EYS: variants seen among roughly 807,000 people sequenced by gnomAD.
EYS encodes the protein EGF-like photoreceptor maintenance factor.
In EYS, 250 loss-of-function variants were observed where a neutral mutation model predicts 282.1. That is an observed-to-expected ratio of 0.89 (90% CI 0.80 to 0.98). The LOEUF is 0.98. Among genes scored for constraint, EYS ranks in the 50% least tolerant of loss-of-function variants. The pLI is 0.00. For synonymous variants in EYS, 1,355 were observed against 1,282.9 expected, an observed-to-expected ratio of 1.06 and a Z score of -1.20; for missense variants, 4,016 against 3,709.0, an observed-to-expected ratio of 1.08 and a Z score of -2.15.
intron 22 of EYS, among the ~76,000 whole-genome samples, chr6:64,673,888 T>G (rs1270034943): frequency 6.6e-6 from 1 of 152,030 alleles, no homozygotes; most frequent in Non-Finnish European, 1.5e-5. Context: ...TTAGAAAAAT[T>G]TATGTTTTAA....
chr6:64,341,082 A>C (rs1771090346), intron 29 of EYS, among the ~76,000 whole-genome samples: 1 of 151,798 alleles, frequency 6.6e-6, no homozygotes, highest in Admixed American at 6.6e-5. Context: ...GCAAGACTGC[A>C]GAGAAAAGGG....
At chr6:64,090,682 G>A (rs553883634) in intron 31 of EYS, among the ~76,000 whole-genome samples, 12 of 152,122 alleles carry the variant, frequency 7.9e-5, no homozygotes, top group Admixed American at 2.6e-4. Flanking sequence ...TTTGTCTTGC[G>A]TTTAATTTTA....
chr6:65,277,819 T>A (rs1259720301), intron 12 of EYS, among the ~76,000 whole-genome samples: 1 of 152,162 alleles, frequency 6.6e-6, no homozygotes, highest in African/African-American at 2.4e-5. Flanking sequence ...GCTATTGTCT[T>A]CATTTGGAGA....
intron 35 of EYS, among the ~76,000 whole-genome samples, chr6:63,910,427 G>A (rs926428699): frequency 6.6e-6 from 1 of 152,174 alleles, no homozygotes; most frequent in Non-Finnish European, 1.5e-5. Context: ...TGTACCGAAA[G>A]GTCATGGTAA....
At chr6:64,907,780 G>C (rs1767877238) in intron 16 of EYS, among the ~76,000 whole-genome samples, 1 of 152,032 alleles carries the variant, frequency 6.6e-6, no homozygotes, top group African/African-American at 2.4e-5. Context: ...GTAAATCATA[G>C]TTACCATGGG....
At chr6:65,122,038 GA>G (rs1775568743) in intron 12 of EYS, among the ~76,000 whole-genome samples, 1 of 152,000 alleles carries the variant, frequency 6.6e-6, no homozygotes, top group South Asian at 2.1e-4. Flanking sequence ...TGACTTAAGA[GA>G]AAATAGCCAC....
intron 14 of EYS, among the ~76,000 whole-genome samples, chr6:64,976,277 A>G (rs1770472331): frequency 6.6e-6 from 1 of 151,996 alleles, no homozygotes; most frequent in African/African-American, 2.4e-5. Context: ...TGATGAATGT[A>G]AAATAAGAAA....
chr6:65,382,213 GTTTTTT>G (rs67123749), intron 8 of EYS, among the ~76,000 whole-genome samples: 1 of 105,014 alleles, frequency 9.5e-6, no homozygotes, highest in Non-Finnish European at 1.9e-5. Context: ...ATCCTTTGGT[GTTTTTT>G]TTTTTTTTTT....
intron 11 of EYS, chr6:65,330,966 A>G: frequency 1.0e-6 from 1 of 984,364 alleles, no homozygotes; most frequent in Non-Finnish European, 1.2e-6. Context: ...AATTTCTCAT[A>G]TATTGAGTTC....
At chr6:63,948,867 T>C (rs1340970954) in intron 35 of EYS, among the ~76,000 whole-genome samples, 2 of 152,120 alleles carry the variant, frequency 1.3e-5, no homozygotes, top group Non-Finnish European at 2.9e-5. Context: ...ATGTAATACA[T>C]ATAATATGTG....
intron 14 of EYS, among the ~76,000 whole-genome samples, chr6:64,957,632 T>C (rs1399712635): frequency 6.6e-6 from 1 of 152,210 alleles, no homozygotes; most frequent in African/African-American, 2.4e-5. Flanking sequence ...AGATGAATGC[T>C]TGAAGGGATG....
intron 35 of EYS, among the ~76,000 whole-genome samples, chr6:63,888,323 A>T (rs1401492154): frequency 6.6e-6 from 1 of 152,118 alleles, no homozygotes; most frequent in East Asian, 1.9e-4. Context: ...TGGGTCCTTG[A>T]CCCCTGTGCC....
chr6:64,479,203 T>C (rs1216413655), intron 26 of EYS, among the ~76,000 whole-genome samples: 2 of 152,030 alleles, frequency 1.3e-5, no homozygotes, highest in African/African-American at 2.4e-5. Context: ...AATAACATTA[T>C]GGCTCTCATA....
rs201059400 is a variant in EYS at position 65,402,580 on chromosome 6, A to G, written c.1082T>C (p.Ile361Thr). Residue 361 changes from isoleucine to threonine, a missense_variant, in exon 7 of 43, where the codon ATA becomes ACA. Ile to Thr is a moderately conservative substitution (Grantham distance 89, BLOSUM62 -1). Transcript: ENST00000503581. Reference protein sequence around the residue: ...SNDVMCICSPIFTDLLCKSIQ... With the variant: ...SNDVMCICSPTFTDLLCKSIQ... ...GCTCTTACAAAGCAAATCTGTAAAT[A>G]TTGGTGAACAGATGCACATAACATC... 77 of 1,576,326 alleles carry G rather than the reference A, an allele frequency of 4.9e-5. No individual in the cohort carries two copies. In the African/African-American group the frequency reaches 9.7e-4, roughly 20 times the overall value.
chr6:63,866,290 A>G (rs1037133414), intron 35 of EYS, among the ~76,000 whole-genome samples: 1 of 152,202 alleles, frequency 6.6e-6, no homozygotes, highest in Non-Finnish European at 1.5e-5. Flanking sequence ...GATAAATCTG[A>G]TATAACTTTG....
At chr6:64,831,929 C>T (rs562614801) in intron 19 of EYS, among the ~76,000 whole-genome samples, 87 of 151,882 alleles carry the variant, frequency 5.7e-4, no homozygotes, top group Middle Eastern at 3.4e-3. Flanking sequence ...TGAAATGAGG[C>T]GTGTGTTTAA....
intron 31 of EYS, among the ~76,000 whole-genome samples, chr6:64,203,562 G>A (rs1040058945): frequency 7.9e-5 from 12 of 152,126 alleles, no homozygotes; most frequent in South Asian, 4.1e-4. Context: ...TGGCTTCTAT[G>A]GGATTATGCC....
intron 30 of EYS, among the ~76,000 whole-genome samples, chr6:64,245,356 A>T (rs1668698830): frequency 6.6e-6 from 1 of 151,886 alleles, no homozygotes; most frequent in Admixed American, 6.6e-5. Flanking sequence ...GCAGCATCTT[A>T]GTTGCCTAGG....
intron 19 of EYS, among the ~76,000 whole-genome samples, chr6:64,869,029 A>G (rs543882850): frequency 6.6e-6 from 1 of 151,668 alleles, no homozygotes; most frequent in African/African-American, 2.4e-5. Context: ...TTAATTAGGT[A>G]ATATGCTAGA....
Sources: gnomAD v4.1 joint callset for allele counts (sites outside exome capture counted in the v4.1 genomes callset) on GRCh38, gnomAD v4.1.1 for gene constraint, MANE v1.5 for transcripts, NCBI Gene and HGNC (gene_info 2026-07-23, HGNC 2026-07-21) for gene names.